The following LRRK2 variants were observed in gnomAD, a reference collection of about 807,000 sequenced individuals.
LRRK2 encodes the protein leucine-rich repeat serine/threonine-protein kinase 2.
LRRK2 carries 203 observed loss-of-function variants against 302.6 expected under a neutral mutation model. The ratio of observed to expected loss-of-function variants is 0.67; its 90% confidence interval spans 0.60 to 0.75. The LOEUF is 0.75. Ranked by LOEUF, LRRK2 falls within the 30% of genes least tolerant of loss-of-function variation. The pLI is 0.00. For synonymous variants in LRRK2, 1,066 were observed against 1,031.9 expected (o/e 1.03, Z -0.63); for missense variants, 2,830 against 2,951.0 (o/e 0.96, Z 0.95).
intron 30 of LRRK2, among the ~76,000 whole-genome samples, chr12:40,309,972 G>A (rs935494934): frequency 6.6e-6 from 1 of 152,146 alleles, no homozygotes; most frequent in African/African-American, 2.4e-5. Context: ...ATATTTGCTT[G>A]AGTGGCTTTT....
chr12:40,267,040 A>T (rs1213595628), intron 14 of LRRK2, among the ~76,000 whole-genome samples: 5 of 151,886 alleles, frequency 3.3e-5, no homozygotes, highest in Non-Finnish European at 2.9e-5. Context: ...GTTAAATGAC[A>T]AGTTACTGGG....
intron 39 of LRRK2, among the ~76,000 whole-genome samples, chr12:40,332,172 G>C (rs1204157539): frequency 2.0e-5 from 3 of 152,164 alleles, no homozygotes; most frequent in African/African-American, 7.2e-5. Context: ...TGGCCCTGAG[G>C]GTGCTGTTAC....
At position 40,275,096 on chromosome 12, in the gene LRRK2, T is replaced by G. The variant is rs1943393441; in HGVS notation, c.1941+103T>G. ...TGCATGAATGGGGTATTCTAGTTAA[T>G]GGAAAACCATTTATCCTTTTGTAGT... On this transcript the variant is annotated intron_variant, in intron 16 of 50. Coordinates refer to ENST00000298910, the MANE Select transcript of LRRK2 (RefSeq NM_198578.4). 2.4e-6 allele frequency: 3 copies of G among 1,245,220 alleles called. 1 individual carries two copies. The South Asian group carries it at 3.6e-5, about 15-fold the overall frequency. 77.1% of individuals were successfully genotyped at this position (1,245,220 alleles called of 1,614,324 possible).
intron 34 of LRRK2, among the ~76,000 whole-genome samples, chr12:40,320,822 T>A (rs1945380687): frequency 6.6e-6 from 1 of 152,018 alleles, no homozygotes; most frequent in Non-Finnish European, 1.5e-5. Context: ...TTACCGAAAA[T>A]ATTTCATGCA....
Position 40,230,446 on chromosome 12 carries a change from C to CTGTAGCAGCTTCCTTATCA in LRRK2, c.238-1818_238-1800dup, listed in dbSNP as rs1406333530. Among the ~76,000 whole-genome samples the CTGTAGCAGCTTCCTTATCA allele has an allele frequency of 1.3e-5, 2 of 152,142 alleles. 1 individual carries two copies. The highest frequency in any genetic ancestry group is 2.9e-5 in the Non-Finnish European group (2 of 68,024). On this transcript the variant is annotated intron_variant, in intron 2 of 50. Coordinates refer to ENST00000298910, the MANE Select transcript of LRRK2 (RefSeq NM_198578.4). ...GCCTTATCCCAAAATAGCCTCTTCCCTGTAGCAGCTTCCTTATCATGTAGC... is the reference window on the plus strand; with the variant it reads ...GCCTTATCCCAAAATAGCCTCTTCCCTGTAGCAGCTTCCTTATCATGTAGCAGCTTCCTTATCATGTAGC...
At chr12:40,241,807 T>C (rs1941733311) in intron 6 of LRRK2, among the ~76,000 whole-genome samples, 1 of 152,230 alleles carries the variant, frequency 6.6e-6, no homozygotes, top group Non-Finnish European at 1.5e-5. Context: ...AATGCCCTTG[T>C]GAAAGAATGC....
chr12:40,346,674 T>C, intron 41 of LRRK2, 79 bp from the exon 42 acceptor site: 1 of 1,330,294 alleles, frequency 7.5e-7, no homozygotes, highest in African/African-American at 1.4e-5. Context: ...TTATTTGGCA[T>C]ATAGCCTAAG....
intron 20 of LRRK2, among the ~76,000 whole-genome samples, chr12:40,292,388 TC>T (rs1179953564): frequency 1.3e-5 from 2 of 151,970 alleles, no homozygotes; most frequent in African/African-American, 4.8e-5. Flanking sequence ...AGAACTCTCT[TC>T]AAGTATTTTT....
chr12:40,265,688 G>C (rs1438791336), intron 14 of LRRK2, among the ~76,000 whole-genome samples: 1 of 152,040 alleles, frequency 6.6e-6, no homozygotes. Context: ...ATGAGCAAAG[G>C]GTCAGTCTGA....
At chr12:40,225,464 T>G in intron 1 of LRRK2, 91 bp from the exon 2 acceptor site, 1 of 1,333,388 alleles carries the variant, frequency 7.5e-7, no homozygotes, top group Non-Finnish European at 1.1e-6. Context: ...GTCTTCACCT[T>G]TTTGACTTTT....
At chr12:40,313,875 CTG>C in intron 31 of LRRK2, 95 bp from the exon 32 acceptor site, 1 of 876,136 alleles carries the variant, frequency 1.1e-6, no homozygotes, top group Non-Finnish European at 1.8e-6. Context: ...AATAATATAT[CTG>C]TTTCTGTAAA....
At position 40,333,118 on chromosome 12, in the gene LRRK2, G is replaced by A. The variant is rs183811705; in HGVS notation, c.5758-1849G>A. Among the ~76,000 whole-genome samples the A allele has an allele frequency of 3.3e-5, 5 of 152,044 alleles. No individual in the cohort carries two copies. The East Asian group carries it at 5.8e-4, about 18-fold the overall frequency. On this transcript the variant is annotated intron_variant, in intron 39 of 50. Transcript: ENST00000298910. ...TTGCTTTTCCAGGATAGAAAATTTG[G>A]ATTAGACCTCTGTCTGTGCCTATGA...
chr12:40,353,358 G>A (rs1382823715), intron 44 of LRRK2, among the ~76,000 whole-genome samples: 1 of 151,588 alleles, frequency 6.6e-6, no homozygotes, highest in African/African-American at 2.4e-5. Flanking sequence ...TTGCGGCCGG[G>A]CATAGGCTCT....
chr12:40,252,127 T>A (rs1288177497), intron 10 of LRRK2, among the ~76,000 whole-genome samples: 1 of 152,170 alleles, frequency 6.6e-6, no homozygotes, highest in Admixed American at 6.5e-5. Flanking sequence ...GCATATCAGG[T>A]TTGTTTCATA....
chr12:40,317,762 A>G (rs557849689), intron 33 of LRRK2, among the ~76,000 whole-genome samples: 5 of 152,204 alleles, frequency 3.3e-5, no homozygotes, highest in Non-Finnish European at 5.9e-5. Flanking sequence ...GGTTGAAGGA[A>G]TGTTAGGAGC....
Position 40,278,210 on chromosome 12 carries a change from A to C in LRRK2, c.2190A>C (p.Leu730=). The change falls in exon 18 of 51, where the codon CTA becomes CTC. Residue 730 remains leucine, a synonymous_variant. Transcript: ENST00000298910. ...GCATCATGGTTGAATGCTTGCTTCT[A>C]TTGGGAGCAGATGCCAATCAAGCAA... The part of the protein sequence containing the change: ...NNSIMVECLL[L]LGADANQAKE... The C allele has an allele frequency of 6.2e-7, 1 of 1,614,158 alleles. No homozygotes were observed. Among genetic ancestry groups the C allele is most frequent in the Non-Finnish European group, 8.5e-7 (1 of 1,180,006 alleles).
At position 40,363,436 on chromosome 12, in the gene LRRK2, A is replaced by G. The variant is rs774591662; in HGVS notation, c.7063A>G (p.Ile2355Val). ...SYAAFSDSNIITVVVDTALYI... is the reference protein window; with the variant it reads ...SYAAFSDSNIVTVVVDTALYI... ...TGCAGCTTTCAGTGATTCCAACATC[A>G]TAACAGTGGTGGTAGACACTGCTCT... The change falls in exon 48 of 51, where the codon ATA becomes GTA. Residue 2355 changes from isoleucine (I) to valine (V), a missense_variant. Around this residue, in one of 3 missense-constraint regions of LRRK2, gnomAD observed 456 missense variants for 456.3 expected, o/e 1.00. Transcript: ENST00000298910. 5 of 1,611,984 alleles carry G rather than the reference A, an allele frequency of 3.1e-6. No homozygotes were observed. Among genetic ancestry groups the G allele is most frequent in the East Asian group, 2.2e-5 (1 of 44,764 alleles).
chr12:40,328,553 T>G, intron 39 of LRRK2, 93 bp downstream of exon 39: 1 of 926,626 alleles, frequency 1.1e-6, no homozygotes, highest in South Asian at 1.6e-5. Context: ...TGCAAAATAA[T>G]GACCACATTT....
chr12:40,294,811 G>T, intron 21 of LRRK2, 34 bp from the exon 22 acceptor site: 2 of 1,220,786 alleles, frequency 1.6e-6, no homozygotes, highest in South Asian at 1.3e-5. Flanking sequence ...TCCAATAAAT[G>T]ACAGCAATTT....
Sources: gnomAD v4.1 joint callset for allele counts (sites outside exome capture counted in the v4.1 genomes callset) on GRCh38, gnomAD v4.1.1 for gene constraint, gnomAD v4.1.1 regional missense constraint, MANE v1.5 for transcripts, NCBI Gene and HGNC (gene_info 2026-07-23, HGNC 2026-07-21) for gene names.